The following LNP1 variants were observed in gnomAD, a reference collection of about 807,000 sequenced individuals.
The protein encoded by LNP1 is leukemia NUP98 fusion partner 1.
A neutral mutation model predicts 14.5 loss-of-function variants in LNP1; 12 were observed. The ratio of observed to expected loss-of-function variants is 0.83; its 90% CI spans 0.53 to 1.34. LNP1 has a LOEUF of 1.34. Among genes scored for constraint, LNP1 ranks in the 40% most tolerant of loss-of-function variants. The pLI is 0.00. For missense variants in LNP1, 198 were observed against 210.9 expected, an observed-to-expected ratio of 0.94 and a Z score of 0.38; for synonymous variants, 75 against 71.4, an observed-to-expected ratio of 1.05 and a Z score of -0.26.
intron 1 of LNP1, among the ~76,000 whole-genome samples, chr3:100,417,463 G>A (rs578049010): frequency 4.2e-5 from 5 of 119,026 alleles, no homozygotes; most frequent in East Asian, 3.0e-4. Flanking sequence ...TGCAACCTCC[G>A]CCTCCCAGGC....
chr3:100,405,754 T>C (rs901711483), intron 1 of LNP1, among the ~76,000 whole-genome samples: 1 of 152,210 alleles, frequency 6.6e-6, no homozygotes, highest in Non-Finnish European at 1.5e-5. Context: ...AATCCTATAT[T>C]TGCTTGCTTC....
chr3:100,405,419 C>T (rs1706956375), intron 1 of LNP1, among the ~76,000 whole-genome samples: 1 of 152,170 alleles, frequency 6.6e-6, no homozygotes, highest in Non-Finnish European at 1.5e-5. Flanking sequence ...GCTGCTATAA[C>T]AAAAATATCA....
chr3:100,436,810 T>G (rs9871870), intron 2 of LNP1, among the ~76,000 whole-genome samples: 51 of 152,226 alleles, frequency 3.4e-4, no homozygotes, highest in African/African-American at 1.2e-3. Flanking sequence ...TGGGAGATAA[T>G]TAGGGTTAGA....
At chr3:100,428,782 A>G (rs1173890839) in intron 1 of LNP1, among the ~76,000 whole-genome samples, 2 of 152,210 alleles carry the variant, frequency 1.3e-5, no homozygotes, top group African/African-American at 2.4e-5. Context: ...ATGCAATGCA[A>G]TACTACACAC....
intron 2 of LNP1, among the ~76,000 whole-genome samples, chr3:100,447,159 T>C (rs1170920590): frequency 2.0e-5 from 3 of 152,208 alleles, no homozygotes; most frequent in African/African-American, 7.2e-5. Context: ...CATATATTTA[T>C]TATGGCACTA....
At chr3:100,453,051 CTG>C (rs1189942276) in intron 3 of LNP1, among the ~76,000 whole-genome samples, 1 of 152,216 alleles carries the variant, frequency 6.6e-6, no homozygotes, top group Admixed American at 6.5e-5. Context: ...GAGCTAGACT[CTG>C]TGAGTCCACT....
rs1169820592 is a variant in LNP1, at chr3:100,447,908, CT to C, written c.157-3805del. Among the ~76,000 whole-genome samples, 13 of 152,004 alleles carry C rather than the reference CT, an allele frequency of 8.6e-5. No individual in the cohort carries two copies. In the East Asian group the frequency reaches 2.3e-3, roughly 27 times the overall value. ...TTTGAATTAGACAAAAATTGTTCTT[CT>C]TTTTTAAAATGACACACCTTTTCTT... On this transcript the variant is annotated intron_variant, in intron 2 of 3. Coordinates refer to ENST00000383693, the MANE Select transcript of LNP1 (RefSeq NM_001085451.2).
At chr3:100,427,557 A>G (rs1707205755) in intron 1 of LNP1, among the ~76,000 whole-genome samples, 1 of 151,934 alleles carries the variant, frequency 6.6e-6, no homozygotes, top group Admixed American at 6.6e-5. Flanking sequence ...CTTTTCCCAA[A>G]CCCTGCTTTA....
chr3:100,410,146 A>C (rs1347156908), intron 1 of LNP1, among the ~76,000 whole-genome samples: 1 of 152,136 alleles, frequency 6.6e-6, no homozygotes, highest in African/African-American at 2.4e-5. Context: ...TACAGGCTGG[A>C]AGATTTTTGA....
chr3:100,455,821 G>A lies in LNP1; in HGVS notation c.432G>A (p.Arg144=), dbSNP rs763125254. Residue 144 remains arginine, a synonymous_variant, in exon 4 of 4, where the codon AGG becomes AGA. Coordinates refer to ENST00000383693, the MANE Select transcript of LNP1 (RefSeq NM_001085451.2). ...RKERNERECL[R]MEIKSRKKVE... is the part of the protein sequence containing the mutation. ...AGAGAAATGAAAGAGAATGCCTGAG[G>A]ATGGAGATAAAATCCCGAAAGAAAG... 1.5e-5 allele frequency: 24 copies of A among 1,613,960 alleles called. No homozygotes were observed. Among genetic ancestry groups the A allele is most frequent in the African/African-American group, 5.3e-5 (4 of 74,906 alleles).
At chr3:100,446,747 T>C (rs1239224577) in intron 2 of LNP1, among the ~76,000 whole-genome samples, 1 of 152,046 alleles carries the variant, frequency 6.6e-6, no homozygotes, top group Non-Finnish European at 1.5e-5. Flanking sequence ...CTTAAACAAA[T>C]TTACAAGGAA....
intron 3 of LNP1, among the ~76,000 whole-genome samples, chr3:100,452,687 G>A (rs888167746): frequency 2.0e-5 from 3 of 152,094 alleles, no homozygotes; most frequent in East Asian, 1.9e-4. Context: ...ACACAAGAAC[G>A]ACCAAACACT....
At chr3:100,417,853 T>G (rs1252325777) in intron 1 of LNP1, among the ~76,000 whole-genome samples, 1 of 152,144 alleles carries the variant, frequency 6.6e-6, no homozygotes, top group Non-Finnish European at 1.5e-5. Context: ...TCTTGAATTC[T>G]TTTGATTTCT....
rs761412044 is a variant in LNP1 at position 100,451,948 on chromosome 3, T to C, written c.386T>C (p.Leu129Ser). 1.6e-5 allele frequency: 25 copies of C among 1,606,630 alleles called. 2 individuals are homozygous for C. In the South Asian group the frequency reaches 2.5e-4, roughly 16 times the overall value. The change falls in exon 3 of 4, where the codon TTG becomes TCG. Residue 129 changes from leucine to serine, a missense_variant and splice_region_variant. Leu to Ser is a moderately radical substitution (Grantham distance 145, BLOSUM62 -2). Transcript: ENST00000383693. ...LCFRTKRSAS[L>S]GPESRKERNE... ...TTTAGAACCAAGCGTTCTGCCTCTT[T>C]GGTATGTAACAGAGCTACTGAATAT...
In LNP1 at chr3:100,434,530, C is replaced by CTTTTTTCTTT. The variant is rs1283258039; in HGVS notation, c.156+4652_156+4661dup. ...TGTGATGCCTCCTTTTTTTTTTCTT[C>CTTTTTTCTTT]TTTTTTCTTTTTTTTTGAGTTGAAG... On this transcript the variant is annotated intron_variant, in intron 2 of 3. Coordinates refer to ENST00000383693, the MANE Select transcript of LNP1 (RefSeq NM_001085451.2). 2.7e-5 allele frequency among the ~76,000 whole-genome samples: 4 copies of CTTTTTTCTTT among 148,422 alleles called. No individual in the cohort carries two copies. In the East Asian group the frequency reaches 7.9e-4, roughly 29 times the overall value.
chr3:100,423,021 G>A (rs890656290), intron 1 of LNP1, among the ~76,000 whole-genome samples: 2 of 151,838 alleles, frequency 1.3e-5, no homozygotes, highest in Non-Finnish European at 2.9e-5. Flanking sequence ...ACAAGGAAAT[G>A]GATGATTATA....
chr3:100,403,467 G>A (rs1706932776), intron 1 of LNP1, among the ~76,000 whole-genome samples: 2 of 144,340 alleles, frequency 1.4e-5, no homozygotes, highest in Admixed American at 1.4e-4. Context: ...GAAGACCTGA[G>A]TTTTTTTTTT....
rs1706909878 is a variant in LNP1 at position 100,401,803 on chromosome 3, G to T, written c.-670G>T. The T allele has an allele frequency of 6.6e-6, 1 of 152,262 alleles. No individual in the cohort carries two copies. Among genetic ancestry groups the T allele is most frequent in the African/African-American group, 2.4e-5 (1 of 41,458 alleles). The allele number at this position is 152,262 out of a possible 1,614,324, so 9.4% of individuals were successfully genotyped here. ...AAATGGCACATCTAGGTTGGCTGCA[G>T]TCGAAACGGTTTGAGCGTGGTCGCT... On this transcript the variant is annotated 5_prime_UTR_variant, in exon 1 of 4. Transcript: ENST00000383693.
intron 2 of LNP1, among the ~76,000 whole-genome samples, chr3:100,449,406 C>T (rs1707417884): frequency 1.3e-5 from 2 of 152,178 alleles, no homozygotes; most frequent in Non-Finnish European, 2.9e-5. Flanking sequence ...TGTCTGTTTA[C>T]ACTCCTGTGG....
Sources: allele counts gnomAD v4.1 joint callset (sites outside exome capture counted in the v4.1 genomes callset), GRCh38; gene constraint gnomAD v4.1.1; transcripts MANE v1.5; gene names NCBI Gene and HGNC (gene_info 2026-07-23, HGNC 2026-07-21).